The following GALNT13 variants were observed in gnomAD, a reference collection of about 807,000 sequenced individuals.
GALNT13 encodes UDP-GalNAc:polypeptide N-acetylgalactosaminyltransferase 13.
GALNT13 carries 28 observed loss-of-function variants against 64.2 expected under a neutral mutation model. The ratio of observed to expected loss-of-function variants is 0.44; its 90% CI spans 0.32 to 0.60. The LOEUF is 0.60. Among genes scored for constraint, GALNT13 ranks in the 20% least tolerant of loss-of-function variants. The pLI is 0.05. For missense variants in GALNT13, 577 were observed against 669.8 expected (o/e 0.86, Z 1.53); for synonymous variants, 214 against 224.6 (o/e 0.95, Z 0.42).
chr2:154,210,397 G>A (rs1210059850), intron 4 of GALNT13, among the ~76,000 whole-genome samples: 1 of 152,100 alleles, frequency 6.6e-6, no homozygotes, highest in African/African-American at 2.4e-5. Flanking sequence ...TGTAGCTTTT[G>A]AGAAACCTTT....
rs143822888 is a variant in GALNT13 at position 153,995,949 on chromosome 2, A to G, written c.142+51310A>G. Among the ~76,000 whole-genome samples, 735 of 152,282 alleles carry G rather than the reference A, an allele frequency of 4.8e-3. 3 individuals carry two copies. Among genetic ancestry groups the G allele is most frequent in the Middle Eastern group, 0.037 (11 of 294 alleles). On this transcript the variant is annotated intron_variant, in intron 3 of 12. Coordinates refer to ENST00000392825, the MANE Select transcript of GALNT13 (RefSeq NM_052917.4). ...GTATTTGCCTTTCCGTACCTGGCTT[A>G]TTTCACTTGACATTTTATCCTCTAG...
chr2:153,922,396 A>G (rs1180651835), intron 2 of GALNT13, among the ~76,000 whole-genome samples: 1 of 152,204 alleles, frequency 6.6e-6, no homozygotes, highest in Non-Finnish European at 1.5e-5. Flanking sequence ...AAACAGTGGA[A>G]GATTTTCCTT....
chr2:154,322,895 G>A (rs1694699211), intron 9 of GALNT13, among the ~76,000 whole-genome samples: 1 of 151,936 alleles, frequency 6.6e-6, no homozygotes, highest in African/African-American at 2.4e-5. Context: ...TACATGTCTG[G>A]CATTTTGATG....
intron 2 of GALNT13, among the ~76,000 whole-genome samples, chr2:153,910,087 A>G (rs1688839575): frequency 6.7e-6 from 1 of 148,614 alleles, no homozygotes. Flanking sequence ...TTTGGTTGGT[A>G]GACTATTTAT....
chr2:154,182,402 G>A (rs1686008432), intron 4 of GALNT13, among the ~76,000 whole-genome samples: 1 of 151,994 alleles, frequency 6.6e-6, no homozygotes, highest in South Asian at 2.1e-4. Flanking sequence ...TAAATATCAT[G>A]ATCAGATATA....
chr2:154,284,847 G>A (rs552103114), intron 8 of GALNT13, among the ~76,000 whole-genome samples: 2 of 152,162 alleles, frequency 1.3e-5, no homozygotes, highest in East Asian at 3.9e-4. Context: ...ACATCCTCAT[G>A]TGGAGAGTGA....
the GALNT13 span, among the ~76,000 whole-genome samples, chr2:153,676,129 GA>G: frequency 6.6e-6 from 1 of 151,650 alleles, no homozygotes; most frequent in South Asian, 2.1e-4. Context: ...GATTAATAAT[GA>G]AAAAAAGATG....
chr2:153,301,319 G>GAAAAAAAAAAAAAAAAAA, the GALNT13 span, among the ~76,000 whole-genome samples: 1 of 77,946 alleles, frequency 1.3e-5, no homozygotes, highest in African/African-American at 5.7e-5. Context: ...CAAAAAAAAA[G>GAAAAAAAAAAAAAAAAAA]AAAAAAAAAA....
At chr2:153,419,193 C>G in the GALNT13 span, among the ~76,000 whole-genome samples, 159 of 152,300 alleles carry the variant, frequency 1.0e-3, no homozygotes, top group African/African-American at 3.7e-3. Context: ...ACATATCCTT[C>G]TTCACATGGT....
the GALNT13 span, among the ~76,000 whole-genome samples, chr2:153,598,037 G>A: frequency 6.6e-6 from 1 of 152,070 alleles, no homozygotes; most frequent in Admixed American, 6.6e-5. Context: ...TTCTTAAAAT[G>A]TTAAATATAG....
chr2:153,255,477 T>C, the GALNT13 span, among the ~76,000 whole-genome samples: 1 of 148,396 alleles, frequency 6.7e-6, no homozygotes, highest in African/African-American at 2.5e-5. Flanking sequence ...ACATTTAAAG[T>C]TAATATTGTT....
the GALNT13 span, among the ~76,000 whole-genome samples, chr2:153,071,432 C>A: frequency 6.6e-6 from 1 of 152,146 alleles, no homozygotes; most frequent in South Asian, 2.1e-4. Context: ...AATCAGCCAA[C>A]AAGGAGAAGA....
chr2:153,611,142 A>G, the GALNT13 span, among the ~76,000 whole-genome samples: 4 of 152,166 alleles, frequency 2.6e-5, no homozygotes, highest in African/African-American at 9.7e-5. Context: ...TTAACTCTCT[A>G]AGTTGTAGTG....
chr2:153,480,400 T>G, the GALNT13 span, among the ~76,000 whole-genome samples: 7 of 152,290 alleles, frequency 4.6e-5, no homozygotes, highest in Non-Finnish European at 8.8e-5. Flanking sequence ...ATAAGTTTGA[T>G]TTTTTAAAAT....
At chr2:153,373,067 C>T in the GALNT13 span, among the ~76,000 whole-genome samples, 7 of 151,838 alleles carry the variant, frequency 4.6e-5, no homozygotes, top group East Asian at 1.4e-3. Flanking sequence ...TCACATGATT[C>T]TTGGTCATTC....
intron 9 of GALNT13, among the ~76,000 whole-genome samples, chr2:154,379,966 T>C (rs1698188319): frequency 6.6e-6 from 1 of 152,056 alleles, no homozygotes; most frequent in South Asian, 2.1e-4. Context: ...TGCTTTCAAA[T>C]TTTTTTATCT....
chr2:153,539,549 CA>C, the GALNT13 span, among the ~76,000 whole-genome samples: 1 of 151,634 alleles, frequency 6.6e-6, no homozygotes, highest in Non-Finnish European at 1.5e-5. Context: ...GTCTTTAATC[CA>C]TCTTGAATTG....
At chr2:153,172,151 C>T in the GALNT13 span, 2 of 152,190 alleles carry the variant, frequency 1.3e-5, no homozygotes, top group African/African-American at 4.8e-5. Context: ...TAAAGCAGCA[C>T]ATCTCTTGTA....
the GALNT13 span, among the ~76,000 whole-genome samples, chr2:153,112,063 T>G: frequency 1.3e-5 from 2 of 152,112 alleles, no homozygotes; most frequent in African/African-American, 4.8e-5. Flanking sequence ...TGGATTACAG[T>G]ACTGTTAGGA....
Sources: gnomAD v4.1 joint callset for allele counts (sites outside exome capture counted in the v4.1 genomes callset) on GRCh38, gnomAD v4.1.1 for gene constraint, MANE v1.5 for transcripts, NCBI Gene and HGNC (gene_info 2026-07-23, HGNC 2026-07-21) for gene names.